XPC: variants seen among roughly 807,000 people sequenced by gnomAD.
XPC encodes the protein XPC complex subunit, DNA damage recognition and repair factor, also known as DNA repair protein complementing XP-C cells.
Under a neutral mutation model 95.8 loss-of-function variants are expected in XPC, and 76 were observed. The ratio of observed to expected loss-of-function variants is 0.79; its 90% CI spans 0.66 to 0.96. The LOEUF is 0.96. Among genes scored for constraint, XPC ranks in the 40% least tolerant of loss-of-function variants. XPC has a pLI of 0.00. For synonymous variants in XPC, 442 were observed against 442.1 expected (o/e 1.00, Z 0.00); for missense variants, 1,146 against 1,179.8 (o/e 0.97, Z 0.42).
rs1574971690 is a variant in XPC at position 14,167,246 on chromosome 3, T to C, written c.544A>G (p.Ile182Val). The C allele has an allele frequency of 1.2e-6, 2 of 1,612,048 alleles. No individual in the cohort carries two copies. Among genetic ancestry groups the C allele is most frequent in the Admixed American group, 1.7e-5 (1 of 59,782 alleles). ...QAKTRERSEKIKLEFETYLRR... is the reference protein window; with the variant it reads ...QAKTRERSEKVKLEFETYLRR... ...AGATATGTCTCAAACTCCAGTTTTATCTTTTCACTGCAACAAATAGTGAAA... is the reference window on the plus strand; with the variant it reads ...AGATATGTCTCAAACTCCAGTTTTACCTTTTCACTGCAACAAATAGTGAAA... The change falls in exon 5 of 16, where the codon ATA becomes GTA. Residue 182 changes from isoleucine (I) to valine (V), a missense_variant. Ile to Val is a conservative substitution (Grantham distance 29, BLOSUM62 3). Coordinates refer to ENST00000285021, the MANE Select transcript of XPC (RefSeq NM_004628.5).
At chr3:14,148,476 A>C in intron 13 of XPC, 86 bp downstream of exon 13, 1 of 1,541,028 alleles carries the variant, frequency 6.5e-7, no homozygotes, top group South Asian at 1.2e-5. Flanking sequence ...AACTCCCAGC[A>C]GCCCCATGCC....
chr3:14,146,230 A>G (rs910835736), intron 15 of XPC, 71 bp from the exon 16 acceptor site: 6 of 1,421,478 alleles, frequency 4.2e-6, no homozygotes, highest in African/African-American at 1.4e-5. Flanking sequence ...CCCCATGAAG[A>G]GGCAGCAAGT....
intron 15 of XPC, 46 bp from the exon 16 acceptor site, chr3:14,146,205 T>G: frequency 6.5e-7 from 1 of 1,534,814 alleles, no homozygotes; most frequent in Non-Finnish European, 8.8e-7. Flanking sequence ...GGGTTAGTAA[T>G]CAGATACCAG....
At position 14,145,886 on chromosome 3, in the gene XPC, G is replaced by C. The variant is rs1347851880; in HGVS notation, c.*55C>G. On this transcript the variant is annotated 3_prime_UTR_variant, in exon 16 of 16. Transcript: ENST00000285021. ...GCTGGGCATGCCCAGGGCAGGTGTG[G>C]GGCCTGTAGTGGGGCAGCAGCAACT... 1 of 1,570,164 alleles carries C rather than the reference G, an allele frequency of 6.4e-7. No individual in the cohort carries two copies. The highest frequency in any genetic ancestry group is 8.7e-7 in the Non-Finnish European group (1 of 1,152,762).
chr3:14,172,097 C>T (rs1696637820), intron 2 of XPC, among the ~76,000 whole-genome samples: 1 of 152,044 alleles, frequency 6.6e-6, no homozygotes. Flanking sequence ...ATCAAGTGTT[C>T]CCTGGGCTCA....
At chr3:14,154,446 C>T (rs1370488657) in intron 10 of XPC, among the ~76,000 whole-genome samples, 1 of 152,186 alleles carries the variant, frequency 6.6e-6, no homozygotes, top group African/African-American at 2.4e-5. Flanking sequence ...GGTCCACCCA[C>T]ACAATGGAGT....
chr3:14,150,230 T>G (rs1244915950), intron 11 of XPC, among the ~76,000 whole-genome samples: 2 of 152,088 alleles, frequency 1.3e-5, no homozygotes, highest in Non-Finnish European at 2.9e-5. Flanking sequence ...CTTAGAGGAG[T>G]CAGGCATGGG....
intron 7 of XPC, among the ~76,000 whole-genome samples, chr3:14,161,776 CCA>C (rs1469079008): frequency 2.6e-5 from 4 of 151,208 alleles, no homozygotes; most frequent in African/African-American, 9.7e-5. Context: ...CCTGCTGTCA[CCA>C]CCATTATTCA....
At position 14,156,508 on chromosome 3, in the gene XPC, G is replaced by C. The variant is rs762195622; in HGVS notation, c.1873-13C>G. 1 of 1,613,812 alleles carries C rather than the reference G, an allele frequency of 6.2e-7. No homozygotes were observed. Among genetic ancestry groups the C allele is most frequent in the Admixed American group, 1.7e-5 (1 of 60,002 alleles). ...GTTTAGCCTGAAACTGCAAAGGCCA[G>C]ACAGACAAGGTTGAGCATGTTATTT... On this transcript the variant is annotated splice_polypyrimidine_tract_variant and intron_variant, in intron 9 of 15. Coordinates refer to ENST00000285021, the MANE Select transcript of XPC (RefSeq NM_004628.5).
At chr3:14,152,216 T>C in intron 11 of XPC, 119 bp downstream of exon 11, 4 of 781,138 alleles carry the variant, frequency 5.1e-6, no homozygotes, top group Non-Finnish European at 8.2e-6. Flanking sequence ...GTGAGACATT[T>C]CTGATCAGGA....
In XPC at chr3:14,147,447, G is replaced by C. The variant is rs1032589266; in HGVS notation, c.2515-68C>G. 15 of 1,437,570 alleles carry C rather than the reference G, an allele frequency of 1.0e-5. No individual in the cohort carries two copies. In the African/African-American group the frequency reaches 1.8e-4, roughly 18 times the overall value. The allele number at this position is 1,437,570 out of a possible 1,614,324, so 89.1% of individuals were successfully genotyped here. On this transcript the variant is annotated intron_variant, in intron 14 of 15. Transcript: ENST00000285021. ...CATTTTCAGGAAAAATATTAAGATG[G>C]AAACTGTGAATGTAAAGACAGATAT...
At position 14,147,206 on chromosome 3, in the gene XPC, C is replaced by T. The variant is rs558126220; in HGVS notation, c.2604+84G>A. Reference sequence around the variant, plus strand: ...AGCTATCCCTGACTTGAGGCTGGGGCAGAATCTGGGCCAGGCCTTTCTGAG... The same window carrying T: ...AGCTATCCCTGACTTGAGGCTGGGGTAGAATCTGGGCCAGGCCTTTCTGAG... On this transcript the variant is annotated intron_variant, in intron 15 of 15. Transcript: ENST00000285021. 115 of 1,398,574 alleles carry T rather than the reference C, an allele frequency of 8.2e-5. 1 individual carries two copies. Among genetic ancestry groups the T allele is most frequent in the African/African-American group, 1.6e-4 (11 of 69,258 alleles). The allele number at this position is 1,398,574 out of a possible 1,614,324, so 86.6% of individuals were successfully genotyped here.
intron 11 of XPC, among the ~76,000 whole-genome samples, chr3:14,150,791 G>C (rs968224399): frequency 2.6e-5 from 4 of 152,198 alleles, no homozygotes; most frequent in Admixed American, 2.0e-4. Context: ...GCTTAAAGGG[G>C]CAAGGGGTTG....
chr3:14,178,175 T>A (rs755664498), intron 1 of XPC, among the ~76,000 whole-genome samples: 13 of 152,258 alleles, frequency 8.5e-5, no homozygotes, highest in Non-Finnish European at 1.6e-4. Context: ...AATAACTGCC[T>A]TCTCCGAGTT....
In XPC at chr3:14,172,975, C is replaced by T. The variant is rs183478541; in HGVS notation, c.191G>A (p.Gly64Glu). Residue 64 changes from glycine (G) to glutamate (E), a missense_variant, in exon 2 of 16, where the codon GGG (glycine) becomes GAG (glutamate). Physicochemically the swap from Gly to Glu is moderately conservative, Grantham distance 98 (BLOSUM62 -2). Coordinates refer to ENST00000285021, the MANE Select transcript of XPC (RefSeq NM_004628.5). ...TTTTGCTGGACCATCTGCTGAACCC[C>T]CAGGATGACTGCAGCCTCTTTTCCT... ...GKRKRGCSHP[G>E]GSADGPAKKK... The T allele has an allele frequency of 1.4e-4, 223 of 1,613,782 alleles. No homozygotes were observed. Among genetic ancestry groups the T allele is most frequent in the Non-Finnish European group, 1.8e-4 (210 of 1,179,836 alleles).
intron 9 of XPC, among the ~76,000 whole-genome samples, chr3:14,157,789 G>C (rs1417086664): frequency 6.6e-6 from 1 of 152,142 alleles, no homozygotes; most frequent in African/African-American, 2.4e-5. Flanking sequence ...AAGCCACACA[G>C]ACCTGGGCTC....
chr3:14,176,551 GTAGA>G (rs752945152), intron 1 of XPC, among the ~76,000 whole-genome samples: 3 of 152,188 alleles, frequency 2.0e-5, no homozygotes, highest in African/African-American at 2.4e-5. Context: ...ACAGCACATA[GTAGA>G]TACTCAAAAG....
At chr3:14,157,259 G>A (rs1403011277) in intron 9 of XPC, among the ~76,000 whole-genome samples, 1 of 152,108 alleles carries the variant, frequency 6.6e-6, no homozygotes, top group African/African-American at 2.4e-5. Flanking sequence ...CACCCCTGGA[G>A]CAAACACTCA....
chr3:14,171,847 A>G lies in XPC; in HGVS notation c.299+1020T>C, dbSNP rs112632317. On this transcript the variant is annotated intron_variant, in intron 2 of 15. Transcript: ENST00000285021. ...AGGACGGGACCGGGATGGGGACGGG[A>G]CGGGGCGGGACGGGAAGGGAAGTCT... Among the ~76,000 whole-genome samples the G allele has an allele frequency of 9.4e-3, 1,436 of 152,016 alleles. 22 individuals are homozygous for G. Among genetic ancestry groups the G allele is most frequent in the African/African-American group, 0.032 (1,340 of 41,448 alleles).
Sources: allele counts gnomAD v4.1 joint callset (sites outside exome capture counted in the v4.1 genomes callset), GRCh38; gene constraint gnomAD v4.1.1; transcripts MANE v1.5; gene names NCBI Gene and HGNC (gene_info 2026-07-23, HGNC 2026-07-21).